Variants in ADGRA3 observed in about 807,000 individuals in gnomAD.
ADGRA3 encodes the protein adhesion G protein-coupled receptor A3, also known as G-protein coupled receptor 125.
ADGRA3 carries 56 observed loss-of-function variants against 119.8 expected under a neutral mutation model. That is an observed-to-expected ratio of 0.47 (90% CI 0.38 to 0.58). ADGRA3 has a LOEUF of 0.58. Ranked by LOEUF, ADGRA3 falls within the 20% of genes least tolerant of loss-of-function variation. The pLI is 0.00. For missense variants in ADGRA3, 1,516 were observed against 1,649.0 expected, an observed-to-expected ratio of 0.92 and a Z score of 1.40; for synonymous variants, 607 against 623.8, an observed-to-expected ratio of 0.97 and a Z score of 0.40.
intron 11 of ADGRA3, among the ~76,000 whole-genome samples, chr4:22,422,733 G>A (rs1056138036): frequency 2.0e-5 from 3 of 152,100 alleles, no homozygotes; most frequent in Non-Finnish European, 4.4e-5. Context: ...TCAGAAAAAC[G>A]AATGCAGTTC....
In ADGRA3 at chr4:22,445,049, C is replaced by T; in HGVS notation, c.630G>A (p.Arg210=). Residue 210 remains arginine (R), a synonymous_variant, in exon 6 of 19, where the codon CGG becomes CGA. Transcript: ENST00000334304. The part of the protein sequence containing the change: ...RWVKEKNITV[R]DTRCVYPKSL... Reference sequence around the variant, plus strand: ...ACTTAGGATAAACACACCTGGTATCCCGTACCGTGATGTTCTTCTCCTTTA... The same window carrying T: ...ACTTAGGATAAACACACCTGGTATCTCGTACCGTGATGTTCTTCTCCTTTA... 1 of 1,613,962 alleles carries T rather than the reference C, an allele frequency of 6.2e-7. No homozygotes were observed. The highest frequency in any genetic ancestry group is 8.5e-7 in the Non-Finnish European group (1 of 1,179,908).
chr4:22,415,836 T>TAA (rs957567241), intron 12 of ADGRA3, among the ~76,000 whole-genome samples: 2 of 148,030 alleles, frequency 1.4e-5, no homozygotes, highest in South Asian at 4.3e-4. Flanking sequence ...TAGAACCAAT[T>TAA]AAAAAAAAAA....
At chr4:22,446,635 T>G (rs1716841300) in intron 5 of ADGRA3, among the ~76,000 whole-genome samples, 1 of 151,924 alleles carries the variant, frequency 6.6e-6, no homozygotes, top group Non-Finnish European at 1.5e-5. Flanking sequence ...GACTCCTAAA[T>G]GAGATTTAAA....
At chr4:22,515,067 C>T (rs1719592434) in intron 1 of ADGRA3, among the ~76,000 whole-genome samples, 1 of 152,216 alleles carries the variant, frequency 6.6e-6, no homozygotes, top group African/African-American at 2.4e-5. Context: ...GGGGTTTGGG[C>T]TCGCACACAG....
intron 1 of ADGRA3, among the ~76,000 whole-genome samples, chr4:22,491,894 G>T (rs1225242223): frequency 3.3e-5 from 5 of 152,166 alleles, no homozygotes; most frequent in Admixed American, 1.3e-4. Context: ...ACTATGAGAA[G>T]AACGGATTTC....
chr4:22,435,372 A>G lies in ADGRA3; in HGVS notation c.1382T>C (p.Ile461Thr), dbSNP rs554820677. The G allele has an allele frequency of 3.1e-6, 5 of 1,613,538 alleles. No individual in the cohort carries two copies. In the South Asian group the frequency reaches 3.3e-5, roughly 11 times the overall value. ...TTTTTCAATCATTTCTGCCACAAAT[A>G]TAACATCCATTTTGTCAGAAAAGTT... is the stretch of plus-strand genomic sequence containing the variant. ...AANFSDKMDV[I>T]FVAEMIEKFG... The change falls in exon 10 of 19, where the codon ATA becomes ACA. Residue 461 changes from isoleucine (I) to threonine (T), a missense_variant. By Grantham distance (89) the Ile-to-Thr change is moderately conservative. Around this residue, in one of 2 missense-constraint regions of ADGRA3, gnomAD observed 1,088 missense variants for 1,107.1 expected, o/e 0.98. Transcript: ENST00000334304.
chr4:22,435,852 G>T (rs536519656), intron 9 of ADGRA3, among the ~76,000 whole-genome samples: 2 of 152,082 alleles, frequency 1.3e-5, no homozygotes, highest in African/African-American at 2.4e-5. Flanking sequence ...ACAAGAGTAC[G>T]AACTACTTAT....
intron 1 of ADGRA3, among the ~76,000 whole-genome samples, chr4:22,499,433 T>A (rs6448162): frequency 0.74 from 112,994 of 152,148 alleles, 42,043 homozygotes; most frequent in Non-Finnish European, 0.76. Flanking sequence ...GAATCCCCAC[T>A]TCCATTCACA....
At chr4:22,447,601 T>C (rs957519623) in intron 4 of ADGRA3, 90 bp from the exon 5 acceptor site, 1 of 737,946 alleles carries the variant, frequency 1.4e-6, no homozygotes, top group Admixed American at 2.9e-5. Flanking sequence ...CTACAGTCAT[T>C]AAATAATGTT....
chr4:22,419,680 T>C (rs962106545), intron 12 of ADGRA3, among the ~76,000 whole-genome samples: 3 of 152,178 alleles, frequency 2.0e-5, no homozygotes, highest in Non-Finnish European at 4.4e-5. Flanking sequence ...ATTTTAAGTA[T>C]TCCTCAAAAA....
At chr4:22,395,835 CAT>C (rs1176508324) in intron 16 of ADGRA3, among the ~76,000 whole-genome samples, 3 of 152,148 alleles carry the variant, frequency 2.0e-5, no homozygotes, top group African/African-American at 7.2e-5. Flanking sequence ...AAGGTTAAGA[CAT>C]AAAACATGCA....
chr4:22,407,573 C>A (rs149950463), intron 14 of ADGRA3, among the ~76,000 whole-genome samples: 227 of 152,256 alleles, frequency 1.5e-3, no homozygotes, highest in African/African-American at 5.3e-3. Flanking sequence ...TGACCACAGT[C>A]CATCACTAAA....
chr4:22,421,360 T>A (rs1187695240), intron 11 of ADGRA3, among the ~76,000 whole-genome samples: 1 of 151,450 alleles, frequency 6.6e-6, no homozygotes, highest in Admixed American at 6.6e-5. Context: ...GTCTAAGAAG[T>A]CAATTAAAAA....
rs1456848281 is a variant in ADGRA3, at chr4:22,413,399, A to C, written c.2024-9T>G. ...ATCTACATTCACACCATCTGGAGAA[A>C]ATGGGAAATAAAAATATTTCTGAAA... On this transcript the variant is annotated splice_polypyrimidine_tract_variant and intron_variant, in intron 13 of 18. Coordinates refer to ENST00000334304, the MANE Select transcript of ADGRA3 (RefSeq NM_145290.4). The C allele has an allele frequency of 1.9e-6, 3 of 1,607,950 alleles. No individual in the cohort carries two copies. In the Admixed American group the frequency reaches 5.0e-5, roughly 27 times the overall value.
intron 1 of ADGRA3, among the ~76,000 whole-genome samples, chr4:22,486,062 C>T (rs1456188942): frequency 2.6e-5 from 4 of 152,194 alleles, no homozygotes; most frequent in Non-Finnish European, 4.4e-5. Flanking sequence ...TTGTAAGTTC[C>T]TACTTCCTTT....
At chr4:22,481,640 G>A (rs960779490) in intron 1 of ADGRA3, among the ~76,000 whole-genome samples, 9 of 152,242 alleles carry the variant, frequency 5.9e-5, no homozygotes, top group African/African-American at 1.7e-4. Context: ...TAAAACAGAC[G>A]TGTACAAAGG....
intron 8 of ADGRA3, among the ~76,000 whole-genome samples, chr4:22,437,118 T>A (rs1010909781): frequency 7.9e-5 from 12 of 152,292 alleles, no homozygotes; most frequent in Non-Finnish European, 1.8e-4. Context: ...AAATATCATA[T>A]TAGGATTATT....
At chr4:22,473,713 T>C in intron 2 of ADGRA3, 59 bp downstream of exon 2, 2 of 968,658 alleles carry the variant, frequency 2.1e-6, no homozygotes, top group Non-Finnish European at 3.1e-6. Flanking sequence ...ACAATGAAGA[T>C]TTACAATGAA....
intron 16 of ADGRA3, among the ~76,000 whole-genome samples, chr4:22,399,302 T>C (rs942479978): frequency 5.9e-5 from 9 of 152,260 alleles, no homozygotes; most frequent in Non-Finnish European, 8.8e-5. Flanking sequence ...CTCCAATTTG[T>C]AACTTACCTT....
Sources: allele counts gnomAD v4.1 joint callset (sites outside exome capture counted in the v4.1 genomes callset), GRCh38; gene constraint gnomAD v4.1.1; regional missense constraint gnomAD v4.1.1; transcripts MANE v1.5; gene names NCBI Gene and HGNC (gene_info 2026-07-23, HGNC 2026-07-21).